NAALADL2: variants seen among roughly 807,000 people sequenced by gnomAD.
NAALADL2 encodes the protein inactive N-acetylated-alpha-linked acidic dipeptidase-like protein 2.
In NAALADL2, 76 loss-of-function variants were observed where a neutral mutation model predicts 87.2. That is an observed-to-expected ratio of 0.87 (90% CI 0.72 to 1.05). The LOEUF is 1.05. Among genes scored for constraint, NAALADL2 ranks in the 50% least tolerant of loss-of-function variants. The pLI, the probability that NAALADL2 is intolerant of heterozygous loss-of-function variation, is 0.00. For missense variants in NAALADL2, 1,089 were observed against 945.8 expected (o/e 1.15, Z -1.99); for synonymous variants, 354 against 331.0 (o/e 1.07, Z -0.75).
chr3:174,605,434 G>A (rs550850343), intron 2 of NAALADL2, among the ~76,000 whole-genome samples: 134 of 152,280 alleles, frequency 8.8e-4, no homozygotes, highest in Middle Eastern at 6.8e-3. Context: ...GGTGACAGAC[G>A]GCACCTGGAA....
chr3:175,662,649 T>A (rs1732422310), intron 11 of NAALADL2, among the ~76,000 whole-genome samples: 1 of 150,668 alleles, frequency 6.6e-6, no homozygotes, highest in Non-Finnish European at 1.5e-5. Context: ...CCTTTACCAT[T>A]TGAGTTGTTT....
intron 1 of NAALADL2, among the ~76,000 whole-genome samples, chr3:175,038,950 GA>G (rs1167951510): frequency 5.3e-5 from 8 of 152,178 alleles, no homozygotes; most frequent in African/African-American, 1.9e-4. Context: ...AAAGGTGACG[GA>G]AAAATGCTAT....
chr3:174,902,433 A>G (rs1324110917), intron 1 of NAALADL2, among the ~76,000 whole-genome samples: 1 of 152,106 alleles, frequency 6.6e-6, no homozygotes, highest in African/African-American at 2.4e-5. Flanking sequence ...ATTATTACAT[A>G]AAAGAAAGGG....
chr3:175,000,719 CTTATT>C (rs1381412219), intron 1 of NAALADL2, among the ~76,000 whole-genome samples: 2 of 152,154 alleles, frequency 1.3e-5, no homozygotes, highest in African/African-American at 4.8e-5. Context: ...ATTTCAGTCA[CTTATT>C]TTATAAGAAC....
chr3:175,793,763 C>T (rs1753117982), intron 13 of NAALADL2, among the ~76,000 whole-genome samples: 1 of 152,074 alleles, frequency 6.6e-6, no homozygotes, highest in Non-Finnish European at 1.5e-5. Flanking sequence ...ATTTATTCAT[C>T]ACGTTTGGCT....
At chr3:174,447,048 A>C (rs1478139072) in intron 1 of NAALADL2, among the ~76,000 whole-genome samples, 2 of 152,064 alleles carry the variant, frequency 1.3e-5, no homozygotes, top group African/African-American at 4.8e-5. Context: ...CAGGAAACCT[A>C]CTCTTGCCTT....
chr3:175,636,224 G>C (rs116276038), intron 11 of NAALADL2, among the ~76,000 whole-genome samples: 1 of 151,994 alleles, frequency 6.6e-6, no homozygotes, highest in Admixed American at 6.6e-5. Flanking sequence ...GCGTGTGTGT[G>C]CTCTCTTGGT....
chr3:175,732,912 G>T (rs1743975961), intron 11 of NAALADL2, among the ~76,000 whole-genome samples: 1 of 150,270 alleles, frequency 6.7e-6, no homozygotes, highest in Non-Finnish European at 1.5e-5. Context: ...GGGGGGTAGG[G>T]TGGTGGGAGG....
intron 13 of NAALADL2, among the ~76,000 whole-genome samples, chr3:175,759,774 T>C (rs115366960): frequency 0.046 from 6,991 of 152,048 alleles, 198 homozygotes; most frequent in South Asian, 0.11. Context: ...AAAGGAGAAG[T>C]TGTGTGTGGT....
chr3:174,894,016 A>G (rs1272367850), intron 1 of NAALADL2, among the ~76,000 whole-genome samples: 1 of 152,174 alleles, frequency 6.6e-6, no homozygotes, highest in Non-Finnish European at 1.5e-5. Flanking sequence ...AAATAAAGAT[A>G]TTTCTTGTCA....
rs183035954 is a variant in NAALADL2, at chr3:174,786,109, A to T, written c.-9+48363A>T. ...CTATTTAAATTAGCATCATGCTGCC[A>T]TCTGATTATTTTTGCATGATCCCTT... On this transcript the variant is annotated intron_variant, in intron 3 of 3. Transcript: ENST00000434257. Among the ~76,000 whole-genome samples, 424 of 152,250 alleles carry T rather than the reference A, an allele frequency of 2.8e-3. 1 individual carries two copies. Among genetic ancestry groups the T allele is most frequent in the African/African-American group, 9.7e-3 (402 of 41,542 alleles).
At chr3:174,650,889 G>A (rs1264959809) in intron 2 of NAALADL2, among the ~76,000 whole-genome samples, 1 of 152,076 alleles carries the variant, frequency 6.6e-6, no homozygotes, top group Non-Finnish European at 1.5e-5. Flanking sequence ...CCTTGTGAAA[G>A]TAAATCTATA....
At chr3:174,604,804 T>G (rs573300381) in intron 2 of NAALADL2, among the ~76,000 whole-genome samples, 2 of 151,928 alleles carry the variant, frequency 1.3e-5, no homozygotes, top group South Asian at 4.2e-4. Context: ...AATCTCACTC[T>G]GTTGCCCAGG....
At chr3:174,604,642 A>T (rs968966539) in intron 2 of NAALADL2, among the ~76,000 whole-genome samples, 1 of 137,070 alleles carries the variant, frequency 7.3e-6, no homozygotes, top group Non-Finnish European at 1.7e-5. Context: ...GTGTGTGTGT[A>T]TGTGGTGTTC....
intron 10 of NAALADL2, among the ~76,000 whole-genome samples, chr3:175,589,233 T>A (rs1354379630): frequency 6.6e-6 from 1 of 152,216 alleles, no homozygotes; most frequent in African/African-American, 2.4e-5. Flanking sequence ...ATAACCCTGC[T>A]GTGTAGCATA....
chr3:175,272,928 G>C (rs1753061226), intron 4 of NAALADL2, among the ~76,000 whole-genome samples: 2 of 151,784 alleles, frequency 1.3e-5, no homozygotes, highest in Admixed American at 1.3e-4. Context: ...TATAATTATG[G>C]CAATATAGCA....
chr3:175,467,325 T>A, intron 8 of NAALADL2, 141 bp downstream of exon 8: 1 of 649,060 alleles, frequency 1.5e-6, no homozygotes, highest in African/African-American at 1.8e-5. Flanking sequence ...AGATGGCTTA[T>A]AATAATAATA....
chr3:174,745,258 C>A (rs143326367), intron 3 of NAALADL2, among the ~76,000 whole-genome samples: 59 of 151,750 alleles, frequency 3.9e-4, no homozygotes, highest in Admixed American at 8.6e-4. Flanking sequence ...TGATAAAGGG[C>A]ATATCACCAC....
intron 1 of NAALADL2, among the ~76,000 whole-genome samples, chr3:174,899,457 A>C (rs1732039410): frequency 6.6e-6 from 1 of 152,116 alleles, no homozygotes; most frequent in Non-Finnish European, 1.5e-5. Flanking sequence ...GGTGTCCTCC[A>C]GGTAGTAAGT....
Sources: allele counts gnomAD v4.1 joint callset (sites outside exome capture counted in the v4.1 genomes callset), GRCh38; gene constraint gnomAD v4.1.1; transcripts MANE v1.5; gene names NCBI Gene and HGNC (gene_info 2026-07-23, HGNC 2026-07-21).